Variants in ZNF500 observed in about 807,000 individuals in gnomAD.
ZNF500 encodes zinc finger protein with KRAB and SCAN domains 18.
A neutral mutation model predicts 30.1 loss-of-function variants in ZNF500; 31 were observed. The ratio of observed to expected loss-of-function variants is 1.03; its 90% CI spans 0.77 to 1.39. The LOEUF is 1.39. ZNF500 is among the 40% of genes most tolerant of loss of function. The pLI is 0.00. For missense variants in ZNF500, 817 were observed against 657.8 expected, an observed-to-expected ratio of 1.24 and a Z score of -2.65; for synonymous variants, 392 against 282.0, an observed-to-expected ratio of 1.39 and a Z score of -3.91.
At chr16:4,758,392 C>T (rs897906257) in intron 5 of ZNF500, 5 of 152,346 alleles carry the variant, frequency 3.3e-5, no homozygotes, top group African/African-American at 1.2e-4. Flanking sequence ...TCTGAGGATT[C>T]CACGTAACCA....
Position 4,752,615 on chromosome 16 carries a change from T to A in ZNF500, c.1204A>T (p.Thr402Ser). Residue 402 changes from threonine (T) to serine (S), a missense_variant, in exon 6 of 6, where the codon ACA (threonine) becomes TCA (serine). Transcript: ENST00000219478. ...QSSSLVIHRR[T>S]HSGERPYACT... Reference sequence around the variant, plus strand: ...GCATAGGGCCGCTCCCCGCTGTGTGTCCTGCGGTGGATGACCAGGCTGGAG... The same window carrying A: ...GCATAGGGCCGCTCCCCGCTGTGTGACCTGCGGTGGATGACCAGGCTGGAG... 6.2e-7 allele frequency: 1 copy of A among 1,606,456 alleles called. No homozygotes were observed. The highest frequency in any genetic ancestry group is 8.5e-7 in the Non-Finnish European group (1 of 1,176,564).
At chr16:4,745,510 C>T (rs964417876), downstream of ZNF500, among the ~76,000 whole-genome samples, 2 of 152,210 alleles carry the variant, frequency 1.3e-5, no homozygotes, top group Non-Finnish European at 2.9e-5. Flanking sequence ...GGAGGCAGGG[C>T]CCCAGGGTCC....
At position 4,751,953 on chromosome 16, in the gene ZNF500, A is replaced by AGC. The variant is rs2082083228; in HGVS notation, c.*421_*422dup. 1.4e-6 allele frequency: 1 copy of AGC among 709,372 alleles called. No individual in the cohort carries two copies. The highest frequency in any genetic ancestry group is 3.8e-5 in the Admixed American group (1 of 26,402). The allele number at this position is 709,372 out of a possible 1,614,324, so 43.9% of individuals were successfully genotyped here. On this transcript the variant is annotated 3_prime_UTR_variant, in exon 6 of 6. Transcript: ENST00000219478. ...GCAGGTGGGGGGTACACACAGAGACAGCGCACAGGGTCACAGACACACAGG... is the reference window on the plus strand; with the variant it reads ...GCAGGTGGGGGGTACACACAGAGACAGCGCGCACAGGGTCACAGACACACAGG...
Position 4,751,297 on chromosome 16 carries a change from A to C in ZNF500, c.*1079T>G. 1 of 413,734 alleles carries C rather than the reference A, an allele frequency of 2.4e-6. No homozygotes were observed. Among genetic ancestry groups the C allele is most frequent in the Non-Finnish European group, 4.4e-6 (1 of 227,126 alleles). The allele number at this position is 413,734 out of a possible 1,614,324, so 25.6% of individuals were successfully genotyped here. On this transcript the variant is annotated 3_prime_UTR_variant, in exon 6 of 6. Coordinates refer to ENST00000219478, the MANE Select transcript of ZNF500 (RefSeq NM_021646.4). The stretch of plus-strand genomic sequence containing the variant: ...AAAAGCTGGAAGGTGAAGGCTTCTT[A>C]CCTTAGAAAGACAAAGTGGGGCAAC...
At chr16:4,744,941 G>T, downstream of ZNF500, 1 of 1,613,876 alleles carries the variant, frequency 6.2e-7, no homozygotes, top group Admixed American at 1.7e-5. Context: ...GCAGTCCAAG[G>T]CCTCTGCTTG....
At chr16:4,753,356 G>T (rs1037411382) in intron 5 of ZNF500, among the ~76,000 whole-genome samples, 11 of 152,228 alleles carry the variant, frequency 7.2e-5, no homozygotes, top group African/African-American at 2.4e-4. Context: ...TAGCTACTCA[G>T]GAGGCTGAGG....
At chr16:4,763,712 A>C in intron 2 of ZNF500, 7 of 973,306 alleles carry the variant, frequency 7.2e-6, no homozygotes, top group Non-Finnish European at 8.5e-6. Context: ...TGACAGAAGG[A>C]AGCCATGCCG....
chr16:4,752,744 C>A lies in ZNF500; in HGVS notation c.1075G>T (p.Gly359Trp), dbSNP rs528048563. 6.2e-6 allele frequency: 10 copies of A among 1,614,258 alleles called. No homozygotes were observed. The African/African-American group carries it at 9.3e-5, about 15-fold the overall frequency. Residue 359 changes from glycine to tryptophan, a missense_variant, in exon 6 of 6, where the codon GGG becomes TGG. Physicochemically the swap from Gly to Trp is radical, Grantham distance 184. Coordinates refer to ENST00000219478, the MANE Select transcript of ZNF500 (RefSeq NM_021646.4). ...GERPYKCLVC[G>W]KGFSDRSNFS... ...TTGGAGCGGTCGCTAAAGCCCTTCCCACAGACTAGGCACTTGTAAGGCCGC... is the reference window on the plus strand; with the variant it reads ...TTGGAGCGGTCGCTAAAGCCCTTCCAACAGACTAGGCACTTGTAAGGCCGC...
intron 5 of ZNF500, chr16:4,753,261 G>C (rs752097055): frequency 1.9e-5 from 20 of 1,048,130 alleles, no homozygotes; most frequent in Non-Finnish European, 2.6e-5. Context: ...AGGAGTTCAA[G>C]ACCAGCTTGG....
intron 4 of ZNF500, among the ~76,000 whole-genome samples, chr16:4,761,704 C>A (rs1251388681): frequency 2.7e-5 from 4 of 148,990 alleles, no homozygotes; most frequent in African/African-American, 9.9e-5. Context: ...AAAAAAAAAA[C>A]AACTAGCCGG....
intron 5 of ZNF500, among the ~76,000 whole-genome samples, chr16:4,757,004 T>C (rs757521030): frequency 2.6e-5 from 4 of 151,880 alleles, no homozygotes; most frequent in Non-Finnish European, 4.4e-5. Flanking sequence ...AAAAAAGTTT[T>C]GGAACTATGT....
At chr16:4,757,006 G>A (rs1017926167) in intron 5 of ZNF500, among the ~76,000 whole-genome samples, 3 of 151,906 alleles carry the variant, frequency 2.0e-5, no homozygotes, top group Admixed American at 6.6e-5. Context: ...AAAAGTTTTG[G>A]AACTATGTGT....
rs1403951326 is a variant in ZNF500 at position 4,751,637 on chromosome 16, C to T, written c.*739G>A. ...ACGAGGGGTCCCTCAAATTCATGTG[C>T]ACCCAGACCTCAGAATGTGACCTTA... On this transcript the variant is annotated 3_prime_UTR_variant, in exon 6 of 6. Coordinates refer to ENST00000219478, the MANE Select transcript of ZNF500 (RefSeq NM_021646.4). 6.5e-7 allele frequency: 1 copy of T among 1,535,316 alleles called. No individual in the cohort carries two copies. Among genetic ancestry groups the T allele is most frequent in the Non-Finnish European group, 8.7e-7 (1 of 1,146,700 alleles).
chr16:4,764,417 T>C (rs1171629177), intron 2 of ZNF500, among the ~76,000 whole-genome samples: 3 of 151,960 alleles, frequency 2.0e-5, no homozygotes, highest in African/African-American at 7.3e-5. Flanking sequence ...TGCCAGCTAC[T>C]TGGGAGGCTG....
downstream of ZNF500, chr16:4,746,742 C>T (rs367553353): frequency 1.6e-5 from 12 of 751,616 alleles, no homozygotes; most frequent in Middle Eastern, 3.7e-4. Context: ...GAGCCCAACA[C>T]GTCTAGGCTG....
At chr16:4,764,509 C>T (rs184403775) in intron 2 of ZNF500, among the ~76,000 whole-genome samples, 12 of 151,182 alleles carry the variant, frequency 7.9e-5, no homozygotes, top group South Asian at 2.1e-4. Context: ...GGGCTAGGTG[C>T]GGTGGCTCAC....
chr16:4,765,963 C>T lies in ZNF500; in HGVS notation c.16G>A (p.Gly6Ser). 1 of 1,572,304 alleles carries T rather than the reference C, an allele frequency of 6.4e-7. No individual in the cohort carries two copies. The highest frequency in any genetic ancestry group is 8.6e-7 in the Non-Finnish European group (1 of 1,161,872). The change falls in exon 2 of 6, where the codon GGC (glycine) becomes AGC (serine). Residue 6 changes from glycine (G) to serine (S), a missense_variant. Transcript: ENST00000219478. The part of the protein sequence containing the change: MATVP[G>S]LQPLPTLEQD... ...TCCAAGGTTGGCAGGGGCTGGAGGC[C>T]AGGGACAGTGGCCATTGCTTCCGGT...
chr16:4,749,526 G>C lies in ZNF500; in HGVS notation c.*2850C>G, dbSNP rs1365213257. 6.5e-6 allele frequency: 1 copy of C among 153,814 alleles called. No individual in the cohort carries two copies. Among genetic ancestry groups the C allele is most frequent in the Non-Finnish European group, 1.5e-5 (1 of 68,280 alleles). 9.5% of individuals were successfully genotyped at this position (153,814 alleles called of 1,614,324 possible). ...CCCAGTTCCTCCACCCACAGAAGGA[G>C]AATCATGGCCGGGCGCGGTGGCTCA... On this transcript the variant is annotated 3_prime_UTR_variant, in exon 6 of 6. Coordinates refer to ENST00000219478, the MANE Select transcript of ZNF500 (RefSeq NM_021646.4).
chr16:4,746,211 GCTGTT>G, downstream of ZNF500: 1 of 688,966 alleles, frequency 1.5e-6, no homozygotes, highest in Non-Finnish European at 2.3e-6. Context: ...AATCTCGCAT[GCTGTT>G]CTGAAGAGTA....
Sources: allele counts gnomAD v4.1 joint callset (sites outside exome capture counted in the v4.1 genomes callset), GRCh38; gene constraint gnomAD v4.1.1; transcripts MANE v1.5; gene names NCBI Gene and HGNC (gene_info 2026-07-23, HGNC 2026-07-21).